Variants in MACROD1 observed in about 807,000 individuals in gnomAD.
MACROD1 encodes the protein mono-ADP ribosylhydrolase 1.
A neutral mutation model predicts 41.4 loss-of-function variants in MACROD1; 31 were observed. That is an observed-to-expected ratio of 0.75 (90% CI 0.56 to 1.01). The LOEUF is 1.01. MACROD1 is among the 50% of genes least tolerant of loss of function. The pLI, the probability that MACROD1 is intolerant of heterozygous loss-of-function variation, is 0.00. For missense variants in MACROD1, 473 were observed against 460.0 expected (o/e 1.03, Z -0.26); for synonymous variants, 252 against 203.4 (o/e 1.24, Z -2.03).
chr11:64,119,231 G>A (rs185617908), intron 3 of MACROD1: 2 of 163,162 alleles, frequency 1.2e-5, no homozygotes, highest in Admixed American at 1.3e-4. Context: ...GGAGTGAGGT[G>A]GGGGAGGAGA....
chr11:64,132,989 G>A (rs1945286718), intron 3 of MACROD1, among the ~76,000 whole-genome samples: 1 of 152,164 alleles, frequency 6.6e-6, no homozygotes, highest in South Asian at 2.1e-4. Context: ...CCGAGTCCTG[G>A]CCCCATGAGG....
intron 3 of MACROD1, chr11:64,117,676 G>A (rs780941309): frequency 1.9e-5 from 31 of 1,613,506 alleles, no homozygotes; most frequent in South Asian, 2.2e-5. Context: ...AGTTGGCTGC[G>A]CCTGGGCCAC....
At chr11:64,121,713 G>A (rs113892813) in intron 3 of MACROD1, among the ~76,000 whole-genome samples, 4 of 152,296 alleles carry the variant, frequency 2.6e-5, no homozygotes, top group South Asian at 2.1e-4. Flanking sequence ...AAATTCTCCC[G>A]GGCTCCCGTG....
chr11:64,031,764 T>C (rs577812025), intron 3 of MACROD1, among the ~76,000 whole-genome samples: 12 of 152,298 alleles, frequency 7.9e-5, no homozygotes, highest in Admixed American at 3.9e-4. Context: ...AGGCGTGAGC[T>C]ACTGCACCCG....
At chr11:64,144,470 C>T (rs112256528) in intron 3 of MACROD1, among the ~76,000 whole-genome samples, 7 of 152,298 alleles carry the variant, frequency 4.6e-5, no homozygotes, top group East Asian at 3.9e-4. Context: ...AGTCACCTGC[C>T]GAGGTGGGGC....
At chr11:64,138,722 C>A (rs1945367280) in intron 3 of MACROD1, among the ~76,000 whole-genome samples, 1 of 151,338 alleles carries the variant, frequency 6.6e-6, no homozygotes, top group African/African-American at 2.4e-5. Context: ...GGGGAATGGG[C>A]GTTCAAGGGC....
At chr11:64,110,710 T>C (rs928839367) in intron 3 of MACROD1, among the ~76,000 whole-genome samples, 2 of 152,004 alleles carry the variant, frequency 1.3e-5, no homozygotes, top group Non-Finnish European at 2.9e-5. Flanking sequence ...AGGTCGTAAC[T>C]CACACCACGC....
At chr11:64,108,428 GAGA>G (rs1182642727) in intron 3 of MACROD1, among the ~76,000 whole-genome samples, 1 of 152,172 alleles carries the variant, frequency 6.6e-6, no homozygotes, top group East Asian at 1.9e-4. Flanking sequence ...GCTTCCTGGC[GAGA>G]AGGAGGGGAG....
chr11:64,029,259 A>G (rs1309563705), intron 3 of MACROD1, among the ~76,000 whole-genome samples: 1 of 152,100 alleles, frequency 6.6e-6, no homozygotes, highest in African/African-American at 2.4e-5. Context: ...GAGGCCATAA[A>G]GCAGCTCACA....
chr11:64,155,871 G>T (rs1466846719), intron 1 of MACROD1, among the ~76,000 whole-genome samples: 1 of 152,046 alleles, frequency 6.6e-6, no homozygotes, highest in African/African-American at 2.4e-5. Flanking sequence ...CATTTTGGGA[G>T]GCCGAGACAG....
At chr11:64,045,907 C>T (rs953700562) in intron 3 of MACROD1, among the ~76,000 whole-genome samples, 3 of 152,104 alleles carry the variant, frequency 2.0e-5, no homozygotes, top group Admixed American at 6.5e-5. Flanking sequence ...GGCAACATAG[C>T]GAGACCCCAT....
chr11:64,141,730 C>A (rs1945417042), intron 3 of MACROD1, among the ~76,000 whole-genome samples: 1 of 152,242 alleles, frequency 6.6e-6, no homozygotes, highest in Non-Finnish European at 1.5e-5. Flanking sequence ...GCTGAGGCCT[C>A]AAGGACAGGA....
intron 3 of MACROD1, among the ~76,000 whole-genome samples, chr11:64,136,777 C>T (rs116493517): frequency 3.9e-5 from 6 of 152,370 alleles, no homozygotes; most frequent in African/African-American, 1.2e-4. Flanking sequence ...GAATTAGCCA[C>T]GGGCTCAGCC....
Position 64,067,721 on chromosome 11 carries a change from C to T in MACROD1, c.518-52440G>A, listed in dbSNP as rs913805501. Among the ~76,000 whole-genome samples, 19 of 152,288 alleles carry T rather than the reference C, an allele frequency of 1.2e-4. No homozygotes were observed. Among genetic ancestry groups the T allele is most frequent in the East Asian group, 3.9e-4 (2 of 5,172 alleles). On this transcript the variant is annotated intron_variant, in intron 3 of 10. Transcript: ENST00000255681. This position sits in a 1 kb window ranked among gnomAD's most constrained non-coding sequence, Gnocchi z 4.6. ...GCAGTGATTGCGGACACGCCCCTCG[C>T]GAGGCACCGCAGGCTGCCACCCCCA...
At chr11:64,010,296 T>A (rs1445978051) in intron 4 of MACROD1, among the ~76,000 whole-genome samples, 1 of 86,288 alleles carries the variant, frequency 1.2e-5, no homozygotes, top group South Asian at 3.8e-4. Context: ...CATGTTGGGG[T>A]GTTGGAGTGT....
At chr11:64,008,114 C>T (rs889539500) in intron 4 of MACROD1, among the ~76,000 whole-genome samples, 1 of 152,168 alleles carries the variant, frequency 6.6e-6, no homozygotes. Context: ...GAGGCCTGGG[C>T]GAATCCTCCC....
intron 3 of MACROD1, among the ~76,000 whole-genome samples, chr11:64,088,581 A>G (rs1273070056): frequency 1.3e-5 from 2 of 150,834 alleles, no homozygotes; most frequent in South Asian, 2.1e-4. Flanking sequence ...CCTGGCCTGG[A>G]GCAGGTCTCT....
At chr11:64,148,164 T>G (rs1229386311) in intron 3 of MACROD1, among the ~76,000 whole-genome samples, 1 of 152,134 alleles carries the variant, frequency 6.6e-6, no homozygotes, top group African/African-American at 2.4e-5. Flanking sequence ...CCCAGGGCCC[T>G]GCTGAGTGGC....
chr11:64,008,382 C>T (rs932507095), intron 4 of MACROD1, among the ~76,000 whole-genome samples: 1 of 8,386 alleles, frequency 1.2e-4, no homozygotes, highest in Non-Finnish European at 2.8e-4. Flanking sequence ...GTGAGGGAGT[C>T]TGCGGTGGGG....
Sources: gnomAD v4.1 joint callset for allele counts (sites outside exome capture counted in the v4.1 genomes callset) on GRCh38, gnomAD v4.1.1 for gene constraint, Gnocchi (gnomAD v3.1) non-coding constraint, MANE v1.5 for transcripts, NCBI Gene and HGNC (gene_info 2026-07-23, HGNC 2026-07-21) for gene names.